The following RCAN2 variants were observed in gnomAD, a reference collection of about 807,000 sequenced individuals.
RCAN2 encodes regulator of calcineurin 2, also known as calcipressin-2.
Under a neutral mutation model 23.6 loss-of-function variants are expected in RCAN2, and 9 were observed. The ratio of observed to expected loss-of-function variants is 0.38; its 90% confidence interval spans 0.23 to 0.67. The LOEUF is 0.67. Among genes scored for constraint, RCAN2 ranks in the 30% least tolerant of loss-of-function variants. The probability of loss-of-function intolerance (pLI) is 0.51; values close to 1 mark genes in which losing one functional copy is unlikely to be tolerated. For synonymous variants in RCAN2, 109 were observed against 115.7 expected (o/e 0.94, Z 0.37); for missense variants, 273 against 302.3 (o/e 0.90, Z 0.72).
chr6:46,373,539 G>A (rs1765380296), intron 2 of RCAN2, among the ~76,000 whole-genome samples: 3 of 152,168 alleles, frequency 2.0e-5, no homozygotes, highest in Admixed American at 6.5e-5. Context: ...TTACAGGTGT[G>A]AGCCACCATG....
chr6:46,273,235 T>C (rs1046873886), intron 2 of RCAN2, among the ~76,000 whole-genome samples: 56 of 152,178 alleles, frequency 3.7e-4, no homozygotes, highest in African/African-American at 1.1e-3. Flanking sequence ...GGAAATTGGG[T>C]TAACAGACTT....
intron 4 of RCAN2, among the ~76,000 whole-genome samples, chr6:46,246,116 A>G (rs2150316769): frequency 6.6e-6 from 1 of 152,274 alleles, no homozygotes; most frequent in Non-Finnish European, 1.5e-5. Context: ...GAAATAATCT[A>G]AATGTCCATC....
At chr6:46,366,903 G>A (rs147143023) in intron 2 of RCAN2, among the ~76,000 whole-genome samples, 1,853 of 150,552 alleles carry the variant, frequency 0.012, 31 homozygotes, top group African/African-American at 0.042. Context: ...GAATAAAGTC[G>A]TTCTTACTGT....
intron 1 of RCAN2, among the ~76,000 whole-genome samples, chr6:46,479,216 T>A (rs890458118): frequency 6.6e-6 from 1 of 152,256 alleles, no homozygotes; most frequent in African/African-American, 2.4e-5. Context: ...AAATTCAGTA[T>A]GCTAGATTTT....
At chr6:46,393,090 T>G (rs1056004638) in intron 2 of RCAN2, among the ~76,000 whole-genome samples, 5 of 152,302 alleles carry the variant, frequency 3.3e-5, no homozygotes, top group African/African-American at 1.2e-4. Context: ...CTTTTAAAAT[T>G]TCGCAACAGA....
At chr6:46,401,883 A>T (rs149805598) in intron 2 of RCAN2, among the ~76,000 whole-genome samples, 46 of 152,276 alleles carry the variant, frequency 3.0e-4, no homozygotes, top group African/African-American at 1.0e-3. Context: ...ACATCTGATC[A>T]AGCCCCTGCA....
chr6:46,383,461 G>A (rs1296165219), intron 2 of RCAN2, among the ~76,000 whole-genome samples: 1 of 151,954 alleles, frequency 6.6e-6, no homozygotes, highest in Non-Finnish European at 1.5e-5. Flanking sequence ...TTCTTGTTGG[G>A]CAAGAAAGAT....
chr6:46,355,541 C>T (rs1764804422), intron 2 of RCAN2, among the ~76,000 whole-genome samples: 1 of 152,124 alleles, frequency 6.6e-6, no homozygotes. Flanking sequence ...ATGTTTAAAC[C>T]CAGACCCACT....
intron 2 of RCAN2, among the ~76,000 whole-genome samples, chr6:46,343,921 C>T (rs1420727136): frequency 6.6e-6 from 1 of 152,146 alleles, no homozygotes; most frequent in African/African-American, 2.4e-5. Context: ...AAACTACTGA[C>T]ATGCTACAAC....
At chr6:46,261,125 T>C (rs2150326026) in intron 2 of RCAN2, among the ~76,000 whole-genome samples, 1 of 152,312 alleles carries the variant, frequency 6.6e-6, no homozygotes, top group East Asian at 1.9e-4. Context: ...TCAGCCCTGA[T>C]TAGATATAGG....
intron 2 of RCAN2, 50 bp from the exon 3 acceptor site, chr6:46,248,946 C>A: frequency 7.5e-7 from 1 of 1,329,872 alleles, no homozygotes; most frequent in Non-Finnish European, 1.0e-6. Context: ...GCATGGATCT[C>A]GTATGATGTC....
chr6:46,245,553 G>A (rs1184630443), intron 4 of RCAN2, among the ~76,000 whole-genome samples: 1 of 152,100 alleles, frequency 6.6e-6, no homozygotes, highest in Non-Finnish European at 1.5e-5. Context: ...CAACAGATGT[G>A]ATTATCAAAA....
At chr6:46,234,488 C>G (rs1055154597) in intron 4 of RCAN2, among the ~76,000 whole-genome samples, 18 of 152,196 alleles carry the variant, frequency 1.2e-4, no homozygotes, top group Non-Finnish European at 2.5e-4. Context: ...CTTACCCACA[C>G]AGGGTGGGAG....
intron 1 of RCAN2, among the ~76,000 whole-genome samples, chr6:46,481,636 A>C (rs1474497936): frequency 6.6e-6 from 1 of 152,164 alleles, no homozygotes. Context: ...TTATTTATAA[A>C]CAACTTGGTG....
intron 2 of RCAN2, among the ~76,000 whole-genome samples, chr6:46,442,104 A>C (rs1180516188): frequency 6.6e-6 from 1 of 152,220 alleles, no homozygotes; most frequent in African/African-American, 2.4e-5. Flanking sequence ...AGATTCAAGG[A>C]AGTCAAGACA....
In RCAN2 at chr6:46,435,976, T is replaced by A. The variant is rs76837045; in HGVS notation, c.225+20776A>T. On this transcript the variant is annotated intron_variant, in intron 2 of 4. Coordinates refer to ENST00000371374, the MANE Select transcript of RCAN2 (RefSeq NM_001251974.2). ...TCAATTTATTGGTACAGTAAGGAAA[T>A]GTGTAGCTGTTCAAGACTCTGTACG... is the stretch of plus-strand genomic sequence containing the variant. 8.2e-3 allele frequency among the ~76,000 whole-genome samples: 1,247 copies of A among 152,266 alleles called. 15 individuals are homozygous for A. Among genetic ancestry groups the A allele is most frequent in the African/African-American group, 0.027 (1,137 of 41,552 alleles).
intron 2 of RCAN2, among the ~76,000 whole-genome samples, chr6:46,269,504 T>C (rs1391502197): frequency 6.6e-6 from 1 of 152,258 alleles, no homozygotes; most frequent in African/African-American, 2.4e-5. Flanking sequence ...CTGAATACTC[T>C]AGGTCACCTG....
chr6:46,366,953 T>G (rs979459439), intron 2 of RCAN2, among the ~76,000 whole-genome samples: 1 of 146,588 alleles, frequency 6.8e-6, no homozygotes, highest in Admixed American at 6.9e-5. Flanking sequence ...TATTTTTCCT[T>G]AACACTAGCC....
chr6:46,350,226 G>A (rs1764605769), intron 2 of RCAN2, among the ~76,000 whole-genome samples: 1 of 152,208 alleles, frequency 6.6e-6, no homozygotes, highest in Admixed American at 6.5e-5. Context: ...TGCATGAATG[G>A]AGCAGGGGAC....
Sources: gnomAD v4.1 joint callset for allele counts (sites outside exome capture counted in the v4.1 genomes callset) on GRCh38, gnomAD v4.1.1 for gene constraint, MANE v1.5 for transcripts, NCBI Gene and HGNC (gene_info 2026-07-23, HGNC 2026-07-21) for gene names.